The following NALF1 variants were observed in gnomAD, a reference collection of about 807,000 sequenced individuals.
NALF1 encodes NALCN channel auxiliary factor 1.
Under a neutral mutation model 48.4 loss-of-function variants are expected in NALF1, and 3 were observed. The ratio of observed to expected loss-of-function variants is 0.06; its 90% CI spans 0.03 to 0.16. NALF1 has a LOEUF of 0.16. NALF1 is among the 10% of genes least tolerant of loss of function. The pLI is 1.00. For synonymous variants in NALF1, 262 were observed against 245.7 expected, an observed-to-expected ratio of 1.07 and a Z score of -0.62; for missense variants, 526 against 571.5, an observed-to-expected ratio of 0.92 and a Z score of 0.81.
At chr13:107,417,639 C>T (rs116283841) in intron 1 of NALF1, among the ~76,000 whole-genome samples, 129 of 152,266 alleles carry the variant, frequency 8.5e-4, no homozygotes, top group African/African-American at 3.0e-3. Flanking sequence ...ACGGCAGTAA[C>T]AACTCCACTC....
intron 1 of NALF1, among the ~76,000 whole-genome samples, chr13:107,743,898 A>G (rs969455421): frequency 6.6e-6 from 1 of 152,228 alleles, no homozygotes; most frequent in Non-Finnish European, 1.5e-5. Flanking sequence ...GGTAAACAGC[A>G]TCATCAGAAA....
At chr13:107,181,183 CTGTT>C (rs1169807773) in intron 2 of NALF1, among the ~76,000 whole-genome samples, 2 of 151,424 alleles carry the variant, frequency 1.3e-5, no homozygotes, top group Non-Finnish European at 3.0e-5. Context: ...AGTACCTATT[CTGTT>C]TGTTAGTGAA....
At chr13:107,285,858 T>C (rs1052173505) in intron 1 of NALF1, among the ~76,000 whole-genome samples, 7 of 151,796 alleles carry the variant, frequency 4.6e-5, no homozygotes, top group Non-Finnish European at 7.4e-5. Flanking sequence ...GTGTCCAACC[T>C]GAATAATAGA....
chr13:107,281,680 CT>C (rs528882929), intron 1 of NALF1, among the ~76,000 whole-genome samples: 117 of 152,274 alleles, frequency 7.7e-4, no homozygotes, highest in South Asian at 1.7e-3. Flanking sequence ...CTATAAAGAA[CT>C]GCCTGAGACT....
intron 1 of NALF1, among the ~76,000 whole-genome samples, chr13:107,605,533 T>G (rs2138427810): frequency 6.6e-6 from 1 of 152,300 alleles, no homozygotes; most frequent in South Asian, 2.1e-4. Context: ...ATCTATTAGT[T>G]TTTGTTATGG....
At chr13:107,401,073 C>T (rs1255311675) in intron 1 of NALF1, among the ~76,000 whole-genome samples, 1 of 152,106 alleles carries the variant, frequency 6.6e-6, no homozygotes, top group South Asian at 2.1e-4. Context: ...GTCAACCATG[C>T]TCTTAAAATA....
chr13:107,306,608 G>A (rs1486202561), intron 1 of NALF1, among the ~76,000 whole-genome samples: 4 of 152,042 alleles, frequency 2.6e-5, no homozygotes, highest in African/African-American at 9.7e-5. Flanking sequence ...ATAAAAAACT[G>A]GTAGAAAAAA....
At chr13:107,652,643 T>C (rs1405727670) in intron 1 of NALF1, among the ~76,000 whole-genome samples, 1 of 152,116 alleles carries the variant, frequency 6.6e-6, no homozygotes, top group Non-Finnish European at 1.5e-5. Flanking sequence ...CATTACAGCA[T>C]GAACTCAAAA....
intron 1 of NALF1, among the ~76,000 whole-genome samples, chr13:107,346,910 T>C (rs1882782875): frequency 6.6e-6 from 1 of 152,204 alleles, no homozygotes. Context: ...TTTTCTTCCA[T>C]CTGGAAAATT....
intron 1 of NALF1, among the ~76,000 whole-genome samples, chr13:107,700,741 G>A (rs1250575271): frequency 6.6e-6 from 1 of 151,930 alleles, no homozygotes; most frequent in Non-Finnish European, 1.5e-5. Context: ...CTGATAAGGG[G>A]TTAATATCCA....
intron 1 of NALF1, among the ~76,000 whole-genome samples, chr13:107,747,105 A>C (rs958975085): frequency 3.3e-5 from 5 of 152,196 alleles, no homozygotes; most frequent in Non-Finnish European, 5.9e-5. Context: ...GCCCACATGC[A>C]TGTACGTTAT....
At chr13:107,186,764 A>G (rs752158458) in intron 2 of NALF1, among the ~76,000 whole-genome samples, 1 of 152,196 alleles carries the variant, frequency 6.6e-6, no homozygotes, top group African/African-American at 2.4e-5. Context: ...ATTGTTACAG[A>G]CATAGTAGCT....
chr13:107,639,413 G>A (rs141983955), intron 1 of NALF1, among the ~76,000 whole-genome samples: 51 of 152,210 alleles, frequency 3.4e-4, no homozygotes, highest in African/African-American at 1.1e-3. Flanking sequence ...TGCCATGCAC[G>A]CATTTGCTCA....
chr13:107,818,611 G>A (rs758609192), intron 1 of NALF1, among the ~76,000 whole-genome samples: 35 of 112,702 alleles, frequency 3.1e-4, no homozygotes, highest in Non-Finnish European at 5.0e-4. Flanking sequence ...GGTGGCTCAC[G>A]CCTGTAATCC....
rs538179891 is a variant in NALF1, at chr13:107,650,576, T to C, written c.915+215106A>G. On this transcript the variant is annotated intron_variant, in intron 1 of 2. Transcript: ENST00000375915. ...GAATGATACAATGGGCTTTGGTGAC[T>C]TGGGGAGAAGAAGAGAGGGGAAAGG... 4.6e-5 allele frequency among the ~76,000 whole-genome samples: 7 copies of C among 151,724 alleles called. No homozygotes were observed. The South Asian group carries it at 1.0e-3, about 23-fold the overall frequency.
rs574563767 is a variant in NALF1, at chr13:107,554,588, C to G, written c.915+311094G>C. On this transcript the variant is annotated intron_variant, in intron 1 of 2. Transcript: ENST00000375915. ...GAGAGGCTGAGAGAGAACGGAAGCC[C>G]AGACCCAAGAACTGGCAGGGAGTTG... is the stretch of plus-strand genomic sequence containing the variant. Among the ~76,000 whole-genome samples, 22 of 152,290 alleles carry G rather than the reference C, an allele frequency of 1.4e-4. No homozygotes were observed. In the South Asian group the frequency reaches 4.6e-3, roughly 32 times the overall value.
intron 1 of NALF1, among the ~76,000 whole-genome samples, chr13:107,363,796 A>T (rs146454952): frequency 1.4e-4 from 21 of 152,312 alleles, no homozygotes; most frequent in Non-Finnish European, 2.6e-4. Flanking sequence ...AAATAAAAGC[A>T]TAAAACATTC....
intron 1 of NALF1, among the ~76,000 whole-genome samples, chr13:107,266,938 T>C (rs1177102417): frequency 6.6e-6 from 1 of 152,180 alleles, no homozygotes; most frequent in Admixed American, 6.5e-5. Flanking sequence ...GCCTGGCTTG[T>C]AGTGTCTCTA....
intron 1 of NALF1, among the ~76,000 whole-genome samples, chr13:107,267,912 T>C (rs1298766653): frequency 6.6e-6 from 1 of 151,710 alleles, no homozygotes; most frequent in Non-Finnish European, 1.5e-5. Flanking sequence ...CAGAGCCAGA[T>C]GATGTGAGAT....
Sources: allele counts gnomAD v4.1 joint callset (sites outside exome capture counted in the v4.1 genomes callset), GRCh38; gene constraint gnomAD v4.1.1; transcripts MANE v1.5; gene names NCBI Gene and HGNC (gene_info 2026-07-23, HGNC 2026-07-21).